The following GMDS variants were observed in gnomAD, a reference collection of about 807,000 sequenced individuals.
GMDS encodes the protein GDP-mannose 4,6 dehydratase.
A neutral mutation model predicts 49.9 loss-of-function variants in GMDS; 20 were observed. The ratio of observed to expected loss-of-function variants is 0.40; its 90% CI spans 0.28 to 0.58. GMDS has a LOEUF of 0.58. GMDS is among the 20% of genes least tolerant of loss of function. The pLI, the probability that GMDS is intolerant of heterozygous loss-of-function variation, is 0.42. For missense variants in GMDS, 362 were observed against 481.4 expected, an observed-to-expected ratio of 0.75 and a Z score of 2.32; for synonymous variants, 177 against 178.6, an observed-to-expected ratio of 0.99 and a Z score of 0.07.
At chr6:1,943,899 A>C (rs1157449700) in intron 6 of GMDS, among the ~76,000 whole-genome samples, 1 of 152,230 alleles carries the variant, frequency 6.6e-6, no homozygotes, top group East Asian at 1.9e-4. Flanking sequence ...AGAGAGTATC[A>C]AATTCAATAT....
chr6:1,753,106 C>T (rs1009232096), intron 7 of GMDS, among the ~76,000 whole-genome samples: 5 of 152,152 alleles, frequency 3.3e-5, no homozygotes, highest in African/African-American at 1.2e-4. Flanking sequence ...GATAAAGAGT[C>T]AAGACCCATC....
intron 1 of GMDS, among the ~76,000 whole-genome samples, chr6:2,158,143 T>A (rs1777201633): frequency 6.6e-6 from 1 of 152,162 alleles, no homozygotes; most frequent in African/African-American, 2.4e-5. Context: ...GCTTTTATTT[T>A]CCCTTCATAG....
intron 4 of GMDS, among the ~76,000 whole-genome samples, chr6:2,045,766 A>C (rs1262944647): frequency 7.0e-6 from 1 of 143,664 alleles, no homozygotes; most frequent in Non-Finnish European, 1.6e-5. Flanking sequence ...AGCTAGCCCC[A>C]GTCAAAAAAA....
intron 6 of GMDS, among the ~76,000 whole-genome samples, chr6:1,938,909 T>C (rs1222781575): frequency 6.6e-6 from 1 of 151,552 alleles, no homozygotes; most frequent in African/African-American, 2.4e-5. Context: ...CTAATCTAAG[T>C]CGGCCATTTA....
Position 1,770,063 on chromosome 6 carries a change from G to A in GMDS, c.772-27477C>T, listed in dbSNP as rs189141339. ...TCTAATGATTGATATCTTTTGTTAT[G>A]AATGCTAACTAAAATCTTACAACAT... On this transcript the variant is annotated intron_variant, in intron 7 of 10. Transcript: ENST00000380815. 3.5e-4 allele frequency among the ~76,000 whole-genome samples: 54 copies of A among 152,272 alleles called. No homozygotes were observed. The South Asian group carries it at 4.1e-3, about 12-fold the overall frequency.
At chr6:1,812,010 C>T (rs1391231909) in intron 7 of GMDS, among the ~76,000 whole-genome samples, 1 of 152,096 alleles carries the variant, frequency 6.6e-6, no homozygotes, top group Non-Finnish European at 1.5e-5. Flanking sequence ...TTTCTACTGT[C>T]CGAGGAATCA....
chr6:1,751,022 A>G (rs1767701755), intron 7 of GMDS, among the ~76,000 whole-genome samples: 1 of 152,138 alleles, frequency 6.6e-6, no homozygotes, highest in Non-Finnish European at 1.5e-5. Context: ...GCCTCTCTAG[A>G]TTCCTCCTCT....
Position 2,124,782 on chromosome 6 carries a change from A to C in GMDS, c.103-51T>G, listed in dbSNP as rs753062180. The C allele has an allele frequency of 5.7e-6, 8 of 1,404,178 alleles. No homozygotes were observed. In the Admixed American group the frequency reaches 1.4e-4, roughly 24 times the overall value. The allele number at this position is 1,404,178 out of a possible 1,614,324, so 87.0% of individuals were successfully genotyped here. On this transcript the variant is annotated intron_variant, in intron 1 of 10. Transcript: ENST00000380815. Reference sequence around the variant, plus strand: ...ACGTCAGTCTCATAGTGGTATAGAAAGGTGGTCTAGATGAAGAGTTTTGAG... The same window carrying C: ...ACGTCAGTCTCATAGTGGTATAGAACGGTGGTCTAGATGAAGAGTTTTGAG...
intron 7 of GMDS, among the ~76,000 whole-genome samples, chr6:1,856,570 C>A (rs760792514): frequency 6.6e-6 from 1 of 152,192 alleles, no homozygotes; most frequent in Non-Finnish European, 1.5e-5. Context: ...GATGGGGATG[C>A]CCCAGCTTTG....
chr6:2,072,454 C>G (rs1318012238), intron 4 of GMDS, among the ~76,000 whole-genome samples: 1 of 152,140 alleles, frequency 6.6e-6, no homozygotes, highest in Non-Finnish European at 1.5e-5. Context: ...CCAAAATATG[C>G]TGGAATTTCC....
At position 2,217,403 on chromosome 6, in the gene GMDS, A is replaced by T. The variant is rs1004470935; in HGVS notation, c.102+27918T>A. Among the ~76,000 whole-genome samples the T allele has an allele frequency of 7.2e-5, 11 of 151,844 alleles. No individual in the cohort carries two copies. In the South Asian group the frequency reaches 1.5e-3, roughly 20 times the overall value. Reference sequence around the variant, plus strand: ...TAATACAACTTAATATTTATATAGTAAAATATATGACATGTAATAATATTT... The same window carrying T: ...TAATACAACTTAATATTTATATAGTTAAATATATGACATGTAATAATATTT... On this transcript the variant is annotated intron_variant, in intron 1 of 10. Coordinates refer to ENST00000380815, the MANE Select transcript of GMDS (RefSeq NM_001500.4).
At chr6:1,842,026 C>T (rs1254391396) in intron 7 of GMDS, among the ~76,000 whole-genome samples, 1 of 152,208 alleles carries the variant, frequency 6.6e-6, no homozygotes, top group East Asian at 1.9e-4. Flanking sequence ...GGACTCTTCC[C>T]CAGGCTCATC....
chr6:1,998,416 A>T (rs919518918), intron 4 of GMDS, among the ~76,000 whole-genome samples: 2 of 152,134 alleles, frequency 1.3e-5, no homozygotes, highest in African/African-American at 4.8e-5. Flanking sequence ...GGAAGAAAAG[A>T]AGAGGAAGAA....
chr6:2,162,428 T>G (rs1013864803), intron 1 of GMDS, among the ~76,000 whole-genome samples: 9 of 152,116 alleles, frequency 5.9e-5, no homozygotes, highest in African/African-American at 2.2e-4. Context: ...ATAATAGACA[T>G]CTGTTTCCAA....
intron 4 of GMDS, among the ~76,000 whole-genome samples, chr6:2,080,498 T>C (rs1204510216): frequency 1.3e-5 from 2 of 152,210 alleles, no homozygotes; most frequent in South Asian, 4.1e-4. Flanking sequence ...CATGTATCTA[T>C]GGTGTTGGTT....
chr6:1,834,810 G>A (rs1012284579), intron 7 of GMDS, among the ~76,000 whole-genome samples: 15 of 152,078 alleles, frequency 9.9e-5, no homozygotes, highest in African/African-American at 3.6e-4. Flanking sequence ...TCCAGGTCCC[G>A]GGAACCCTGT....
At chr6:1,958,415 C>G (rs541430808) in intron 6 of GMDS, among the ~76,000 whole-genome samples, 6 of 152,106 alleles carry the variant, frequency 3.9e-5, no homozygotes, top group African/African-American at 1.4e-4. Flanking sequence ...TGTGGGCGCC[C>G]TCATACCACA....
chr6:1,718,128 C>T (rs1018309205), intron 9 of GMDS, among the ~76,000 whole-genome samples: 4 of 152,106 alleles, frequency 2.6e-5, no homozygotes, highest in Non-Finnish European at 5.9e-5. Context: ...CGACCAGCTC[C>T]CTGTGCACAC....
At chr6:2,163,147 G>A (rs900872836) in intron 1 of GMDS, among the ~76,000 whole-genome samples, 1 of 152,126 alleles carries the variant, frequency 6.6e-6, no homozygotes, top group Non-Finnish European at 1.5e-5. Context: ...TTATAATGCT[G>A]AATAATAGGC....
Sources: gnomAD v4.1 joint callset for allele counts (sites outside exome capture counted in the v4.1 genomes callset) on GRCh38, gnomAD v4.1.1 for gene constraint, MANE v1.5 for transcripts, NCBI Gene and HGNC (gene_info 2026-07-23, HGNC 2026-07-21) for gene names.